ARHGEF12: variants seen among roughly 807,000 people sequenced by gnomAD.
The protein encoded by ARHGEF12 is Rho guanine nucleotide exchange factor 12, also known as KMT2A/ARHGEF12 fusion protein.
A neutral mutation model predicts 211.2 loss-of-function variants in ARHGEF12; 66 were observed. The observed-to-expected ratio is 0.31, with a 90% CI of 0.26 to 0.38. The LOEUF is 0.38. Ranked by LOEUF, ARHGEF12 falls within the 10% of genes least tolerant of loss-of-function variation. The pLI is 1.00. For missense variants in ARHGEF12, 1,429 were observed against 1,869.5 expected (o/e 0.76, Z 4.34); for synonymous variants, 592 against 638.4 (o/e 0.93, Z 1.09).
At chr11:120,437,227 A>ATT in intron 11 of ARHGEF12, 81 bp from the exon 12 acceptor site, 3 of 910,814 alleles carry the variant, frequency 3.3e-6, no homozygotes, top group Non-Finnish European at 3.3e-6. Context: ...ATTCAGAACA[A>ATT]TTTTTTTTTC....
intron 1 of ARHGEF12, among the ~76,000 whole-genome samples, chr11:120,357,431 G>A (rs965278201): frequency 5.3e-5 from 8 of 152,228 alleles, no homozygotes; most frequent in African/African-American, 1.9e-4. Context: ...GCACAGTGGA[G>A]ACTGAAAGGA....
chr11:120,365,683 T>A (rs1943403699), intron 1 of ARHGEF12: 1 of 152,224 alleles, frequency 6.6e-6, no homozygotes, highest in Non-Finnish European at 1.5e-5. Context: ...TGTGAAGACA[T>A]GTTTCTGACA....
intron 16 of ARHGEF12, 71 bp from the exon 17 acceptor site, chr11:120,446,332 A>T (rs763239167): frequency 3.4e-6 from 4 of 1,160,010 alleles, no homozygotes; most frequent in Non-Finnish European, 4.9e-6. Context: ...ACGAAGTAGC[A>T]TTGCTATGTT....
rs1185200987 is a variant in ARHGEF12 at position 120,486,271 on chromosome 11, C to T, written c.*1194C>T. The T allele has an allele frequency of 4.3e-6, 1 of 233,248 alleles. No homozygotes were observed. The highest frequency in any genetic ancestry group is 8.5e-6 in the Non-Finnish European group (1 of 117,856). 14.4% of individuals were successfully genotyped at this position (233,248 alleles called of 1,614,324 possible). ...AAGGGCCCTGAGTCAAAAGGATAGC[C>T]AAGGGTGGAGTGGAAAAAGATATGG... On this transcript the variant is annotated 3_prime_UTR_variant, in exon 41 of 41. Transcript: ENST00000397843.
chr11:120,450,446 C>T (rs1227439469), intron 21 of ARHGEF12: 2 of 151,750 alleles, frequency 1.3e-5, no homozygotes, highest in Admixed American at 1.3e-4. Context: ...GAGTGTCCCC[C>T]ACAATGACGA....
chr11:120,379,695 C>T (rs1308658289), intron 1 of ARHGEF12, among the ~76,000 whole-genome samples: 7 of 151,810 alleles, frequency 4.6e-5, no homozygotes, highest in Admixed American at 4.6e-4. Flanking sequence ...GAGGTATTTT[C>T]ATCTGAGGCT....
intron 1 of ARHGEF12, among the ~76,000 whole-genome samples, chr11:120,349,953 A>C (rs537451567): frequency 5.3e-5 from 8 of 152,328 alleles, no homozygotes; most frequent in African/African-American, 1.9e-4. Flanking sequence ...GAGTTATTTC[A>C]ATTCAGACCG....
chr11:120,457,365 C>A, intron 23 of ARHGEF12, 115 bp downstream of exon 23: 3 of 1,235,038 alleles, frequency 2.4e-6, no homozygotes, highest in Non-Finnish European at 3.2e-6. Context: ...TGGTATGTAC[C>A]TATAATGCCA....
chr11:120,451,399 G>C, intron 21 of ARHGEF12, 113 bp from the exon 22 acceptor site: 2 of 887,646 alleles, frequency 2.3e-6, no homozygotes, highest in East Asian at 2.7e-5. Context: ...GGATGGTCTC[G>C]ATCTCCTGAC....
At chr11:120,357,493 A>G (rs1197371344) in intron 1 of ARHGEF12, among the ~76,000 whole-genome samples, 1 of 152,200 alleles carries the variant, frequency 6.6e-6, no homozygotes, top group Non-Finnish European at 1.5e-5. Flanking sequence ...AGAGGAGATG[A>G]ATATATTTGC....
chr11:120,485,211 A>T lies in ARHGEF12; in HGVS notation c.*134A>T. ...GCCTGTGAACCACCTGGGATTAGTCAAGTCCCAAGGTGCCCAGAGTGGGAC... is the reference window on the plus strand; with the variant it reads ...GCCTGTGAACCACCTGGGATTAGTCTAGTCCCAAGGTGCCCAGAGTGGGAC... On this transcript the variant is annotated 3_prime_UTR_variant, in exon 41 of 41. Coordinates refer to ENST00000397843, the MANE Select transcript of ARHGEF12 (RefSeq NM_015313.3). 2.6e-6 allele frequency: 3 copies of T among 1,141,192 alleles called. No individual in the cohort carries two copies. Among genetic ancestry groups the T allele is most frequent in the Non-Finnish European group, 3.9e-6 (3 of 776,118 alleles). The allele number at this position is 1,141,192 out of a possible 1,614,324, so 70.7% of individuals were successfully genotyped here. A position where few individuals can be genotyped will look rare whatever the true frequency, so the allele number is the denominator to read the frequency against.
chr11:120,470,559 T>C (rs1266110459), intron 30 of ARHGEF12, among the ~76,000 whole-genome samples: 1 of 152,092 alleles, frequency 6.6e-6, no homozygotes, highest in African/African-American at 2.4e-5. Flanking sequence ...ATGTTGAAGA[T>C]AAAAATTCAA....
At chr11:120,404,376 G>T (rs1357414847) in intron 1 of ARHGEF12, among the ~76,000 whole-genome samples, 1 of 152,250 alleles carries the variant, frequency 6.6e-6, no homozygotes, top group South Asian at 2.1e-4. Flanking sequence ...ACACACATAT[G>T]TACACATATA....
intron 31 of ARHGEF12, among the ~76,000 whole-genome samples, chr11:120,474,278 G>A (rs1946961424): frequency 6.6e-6 from 1 of 152,174 alleles, no homozygotes; most frequent in Admixed American, 6.5e-5. Context: ...TTTGTAACTT[G>A]ATCTTCATAA....
At chr11:120,424,318 T>A (rs770561931) in intron 6 of ARHGEF12, 40 bp from the exon 7 acceptor site, 1 of 1,473,620 alleles carries the variant, frequency 6.8e-7, no homozygotes, top group Non-Finnish European at 9.5e-7. Context: ...ATTGTCTCAA[T>A]AGAATGTATC....
chr11:120,484,120 A>G (rs957467380), intron 39 of ARHGEF12, among the ~76,000 whole-genome samples: 2 of 152,208 alleles, frequency 1.3e-5, no homozygotes, highest in African/African-American at 2.4e-5. Flanking sequence ...CTGCATGACT[A>G]TAGCTCATGC....
chr11:120,421,880 CG>C (rs1565468822), intron 6 of ARHGEF12, 28 bp downstream of exon 6: 1 of 1,574,744 alleles, frequency 6.4e-7, no homozygotes, highest in Non-Finnish European at 8.7e-7. Flanking sequence ...ATAGAATTTA[CG>C]GTAGGATTAA....
intron 1 of ARHGEF12, among the ~76,000 whole-genome samples, chr11:120,343,876 T>C (rs1942610891): frequency 6.6e-6 from 1 of 152,218 alleles, no homozygotes; most frequent in African/African-American, 2.4e-5. Context: ...TGTCAAATAT[T>C]ACATATAAAT....
intron 22 of ARHGEF12, among the ~76,000 whole-genome samples, chr11:120,454,951 T>G (rs1451760004): frequency 3.3e-5 from 5 of 152,156 alleles, no homozygotes; most frequent in African/African-American, 4.8e-5. Context: ...AGGGAGGAAT[T>G]AGGCTCCACC....
Sources: allele counts gnomAD v4.1 joint callset (sites outside exome capture counted in the v4.1 genomes callset), GRCh38; gene constraint gnomAD v4.1.1; transcripts MANE v1.5; gene names NCBI Gene and HGNC (gene_info 2026-07-23, HGNC 2026-07-21).